Variants in SHANK2 observed in about 807,000 individuals in gnomAD.
SHANK2 encodes SH3 and multiple ankyrin repeat domains protein 2.
A neutral mutation model predicts 133.7 loss-of-function variants in SHANK2; 43 were observed. The observed-to-expected ratio is 0.32, with a 90% CI of 0.25 to 0.41. The LOEUF (loss-of-function observed/expected upper bound fraction) is 0.41. Among genes scored for constraint, SHANK2 ranks in the 10% least tolerant of loss-of-function variants. The pLI, the probability that SHANK2 is intolerant of heterozygous loss-of-function variation, is 1.00. For synonymous variants in SHANK2, 1,017 were observed against 952.8 expected, an observed-to-expected ratio of 1.07 and a Z score of -1.24; for missense variants, 1,994 against 2,235.8, an observed-to-expected ratio of 0.89 and a Z score of 2.18.
rs557067989 is a variant in SHANK2, at chr11:70,576,779, G to T, written c.2062-73848C>A. Among the ~76,000 whole-genome samples the T allele has an allele frequency of 2.4e-4, 37 of 152,292 alleles. No homozygotes were observed. In the East Asian group the frequency reaches 7.0e-3, roughly 29 times the overall value. Reference sequence around the variant, plus strand: ...ATGCCCAGGGCTGCTGTGAGGCAACGAAAGCCCCTGCAAACAGGTTTCATC... The same window carrying T: ...ATGCCCAGGGCTGCTGTGAGGCAACTAAAGCCCCTGCAAACAGGTTTCATC... On this transcript the variant is annotated intron_variant, in intron 17 of 25. Coordinates refer to ENST00000601538, the MANE Select transcript of SHANK2 (RefSeq NM_012309.5).
At chr11:71,153,681 G>A (rs1952846490) in intron 2 of SHANK2, among the ~76,000 whole-genome samples, 1 of 152,178 alleles carries the variant, frequency 6.6e-6, no homozygotes, top group Admixed American at 6.6e-5. Context: ...AACTGCAAGA[G>A]TTCAGCCGGG....
At chr11:70,744,298 T>G in intron 14 of SHANK2, among the ~76,000 whole-genome samples, 1 of 152,190 alleles carries the variant, frequency 6.6e-6, no homozygotes, top group East Asian at 1.9e-4. Context: ...CAGGGAGGTC[T>G]TTCCATGACT....
At chr11:70,930,519 C>T (rs1454368974) in intron 10 of SHANK2, among the ~76,000 whole-genome samples, 1 of 152,142 alleles carries the variant, frequency 6.6e-6, no homozygotes, top group African/African-American at 2.4e-5. Context: ...CCAGCACCTT[C>T]TCTGTTATCT....
chr11:71,209,846 G>A (rs1323554849), intron 2 of SHANK2, among the ~76,000 whole-genome samples: 3 of 152,088 alleles, frequency 2.0e-5, no homozygotes, highest in African/African-American at 7.2e-5. Context: ...CATCCCAGGG[G>A]CCTGCCTGGC....
chr11:70,876,283 T>C (rs1381289435), intron 11 of SHANK2, among the ~76,000 whole-genome samples: 28 of 35,718 alleles, frequency 7.8e-4, no homozygotes, highest in Middle Eastern at 0.038. Context: ...CACACTTGGC[T>C]GGGTGCGGTG....
intron 2 of SHANK2, among the ~76,000 whole-genome samples, chr11:71,153,634 A>G (rs1466900295): frequency 1.3e-5 from 2 of 152,210 alleles, no homozygotes; most frequent in African/African-American, 4.8e-5. Flanking sequence ...TGACTTTGTC[A>G]AGGTTAGAGT....
chr11:70,780,350 GCCATGAGCCAGGCATTCGATCC>G (rs1328778742), intron 14 of SHANK2, among the ~76,000 whole-genome samples: 2 of 152,112 alleles, frequency 1.3e-5, no homozygotes, highest in South Asian at 2.1e-4. Context: ...GGCCAGCTCT[GCCATGAGCCAGGCATTCGATCC>G]CCAGTAACCA....
In SHANK2 at chr11:71,175,052, G is replaced by A. The variant is rs1288494586; in HGVS notation, c.-12-27714C>T. On this transcript the variant is annotated intron_variant, in intron 2 of 25. Coordinates refer to ENST00000601538, the MANE Select transcript of SHANK2 (RefSeq NM_012309.5). The surrounding 1 kb of genome is among the most constrained non-coding windows in gnomAD (Gnocchi z 4.2). ...CATGCTCTCAGATAAGCCTTCCCCG[G>A]TTACCTTTCTGCAGCTACAAAACAC... 1.4e-5 allele frequency among the ~76,000 whole-genome samples: 2 copies of A among 143,720 alleles called. No individual in the cohort carries two copies. The highest frequency in any genetic ancestry group is 5.0e-5 in the African/African-American group (2 of 39,604). 94.3% of individuals were successfully genotyped at this position (143,720 alleles called of 152,430 possible). A position where few individuals can be genotyped will look rare whatever the true frequency, so the allele number is the denominator to read the frequency against.
intron 17 of SHANK2, among the ~76,000 whole-genome samples, chr11:70,529,335 G>A (rs1036158578): frequency 2.0e-5 from 3 of 152,222 alleles, no homozygotes; most frequent in Non-Finnish European, 1.5e-5. Context: ...AGAGAAGGCG[G>A]GTGACTTGGC....
intron 11 of SHANK2, among the ~76,000 whole-genome samples, chr11:70,840,529 C>T (rs1948887323): frequency 6.6e-6 from 1 of 152,230 alleles, no homozygotes; most frequent in African/African-American, 2.4e-5. Flanking sequence ...ATGGGCCTGA[C>T]TCCTGGGATT....
At chr11:71,155,105 C>T (rs1386545416) in intron 2 of SHANK2, among the ~76,000 whole-genome samples, 4 of 120,188 alleles carry the variant, frequency 3.3e-5, no homozygotes, top group Non-Finnish European at 6.9e-5. Context: ...CCCCAGCCCA[C>T]GCTCCCGGAG....
At chr11:70,513,892 C>T (rs887892066) in intron 17 of SHANK2, among the ~76,000 whole-genome samples, 1 of 151,702 alleles carries the variant, frequency 6.6e-6, no homozygotes, top group African/African-American at 2.4e-5. Context: ...ATAACGTGAA[C>T]GAGAGTCTCA....
At chr11:70,895,495 G>C (rs1264491729) in intron 11 of SHANK2, 1 of 152,628 alleles carries the variant, frequency 6.6e-6, no homozygotes, top group African/African-American at 2.4e-5. Flanking sequence ...GCAAGACTGG[G>C]CCCAGCCGAT....
At chr11:71,241,201 T>G (rs545897030) in intron 1 of SHANK2, among the ~76,000 whole-genome samples, 1 of 152,252 alleles carries the variant, frequency 6.6e-6, no homozygotes, top group Non-Finnish European at 1.5e-5. Flanking sequence ...GAATGTTCCC[T>G]GCAGCACAGT....
At chr11:70,892,675 G>A (rs1949866807) in intron 11 of SHANK2, among the ~76,000 whole-genome samples, 3 of 152,218 alleles carry the variant, frequency 2.0e-5, no homozygotes, top group Non-Finnish European at 4.4e-5. Flanking sequence ...AGATGTCATC[G>A]GTGCCCTGCC....
At chr11:71,243,922 T>C (rs538565694) in intron 1 of SHANK2, among the ~76,000 whole-genome samples, 1 of 152,322 alleles carries the variant, frequency 6.6e-6, no homozygotes, top group Non-Finnish European at 1.5e-5. Context: ...GCTTTATTGG[T>C]GAATTCTACC....
chr11:70,896,077 C>T (rs571459752), intron 11 of SHANK2, among the ~76,000 whole-genome samples: 9 of 152,178 alleles, frequency 5.9e-5, no homozygotes, highest in East Asian at 1.9e-4. Flanking sequence ...AAATGCGTAA[C>T]GACATGTATC....
intron 3 of SHANK2, among the ~76,000 whole-genome samples, chr11:71,126,918 G>A (rs1952202659): frequency 6.6e-6 from 1 of 152,058 alleles, no homozygotes; most frequent in Admixed American, 6.6e-5. Context: ...CGTTAGCCAG[G>A]ATGATCTCGA....
intron 2 of SHANK2, among the ~76,000 whole-genome samples, chr11:71,185,245 A>G (rs1264099419): frequency 1.3e-5 from 2 of 152,144 alleles, no homozygotes; most frequent in East Asian, 3.9e-4. Context: ...TCTACACTCA[A>G]TGATGGTGTA....
Sources: allele counts gnomAD v4.1 joint callset (sites outside exome capture counted in the v4.1 genomes callset), GRCh38; gene constraint gnomAD v4.1.1; non-coding constraint Gnocchi (gnomAD v3.1); transcripts MANE v1.5; gene names NCBI Gene and HGNC (gene_info 2026-07-23, HGNC 2026-07-21).